The following ZNF804B variants were observed in gnomAD, a reference collection of about 807,000 sequenced individuals.
The protein encoded by ZNF804B is zinc finger protein 804B.
Under a neutral mutation model 101.4 loss-of-function variants are expected in ZNF804B, and 80 were observed. That is an observed-to-expected ratio of 0.79 (90% CI 0.66 to 0.95). The LOEUF is 0.95. Among genes scored for constraint, ZNF804B ranks in the 40% least tolerant of loss-of-function variants. The probability of loss-of-function intolerance (pLI) is 0.00; values close to 1 mark genes in which losing one functional copy is unlikely to be tolerated. For missense variants in ZNF804B, 1,673 were observed against 1,561.9 expected (o/e 1.07, Z -1.20); for synonymous variants, 622 against 558.8 (o/e 1.11, Z -1.59).
intron 2 of ZNF804B, among the ~76,000 whole-genome samples, chr7:89,233,435 A>G (rs1178111414): frequency 6.6e-6 from 1 of 152,156 alleles, no homozygotes; most frequent in African/African-American, 2.4e-5. Flanking sequence ...TCCTCTTTTG[A>G]TAAATATTTT....
At chr7:88,988,726 G>A (rs1001740293) in intron 1 of ZNF804B, among the ~76,000 whole-genome samples, 6 of 152,136 alleles carry the variant, frequency 3.9e-5, no homozygotes, top group Non-Finnish European at 5.9e-5. Context: ...CTGCAGAAGA[G>A]GGGAATGACA....
intron 1 of ZNF804B, among the ~76,000 whole-genome samples, chr7:88,811,365 G>A (rs1048621312): frequency 3.9e-5 from 6 of 152,148 alleles, no homozygotes; most frequent in South Asian, 2.1e-4. Flanking sequence ...CAGATGGTGC[G>A]GAGAGATACG....
rs148917820 is a variant in ZNF804B, at chr7:89,201,056, C to T, written c.109-17099C>T. ...CTGACACTCTTAGGGAAAGCTTCAT[C>T]GTATTTATTTAGATTTTTTAAGATA... On this transcript the variant is annotated intron_variant, in intron 1 of 3. Coordinates refer to ENST00000333190, the MANE Select transcript of ZNF804B (RefSeq NM_181646.5). Among the ~76,000 whole-genome samples, 311 of 151,982 alleles carry T rather than the reference C, an allele frequency of 2.0e-3. 1 individual carries two copies. Among genetic ancestry groups the T allele is most frequent in the African/African-American group, 7.3e-3 (301 of 41,498 alleles).
chr7:88,974,203 C>T lies in ZNF804B; in HGVS notation c.108+214119C>T, dbSNP rs576548373. On this transcript the variant is annotated intron_variant, in intron 1 of 3. Transcript: ENST00000333190. Reference sequence around the variant, plus strand: ...TTTCTTAGTGAAACTCTCTGGGCCTCATGAAAATATGAAAAATAGTAAACA... The same window carrying T: ...TTTCTTAGTGAAACTCTCTGGGCCTTATGAAAATATGAAAAATAGTAAACA... 4.6e-5 allele frequency among the ~76,000 whole-genome samples: 7 copies of T among 151,122 alleles called. No homozygotes were observed. In the South Asian group the frequency reaches 1.5e-3, roughly 31 times the overall value.
intron 1 of ZNF804B, among the ~76,000 whole-genome samples, chr7:89,173,174 G>T (rs1342273355): frequency 6.6e-6 from 1 of 152,080 alleles, no homozygotes; most frequent in Non-Finnish European, 1.5e-5. Context: ...TGAAACATGT[G>T]TCTGGCTCTC....
intron 2 of ZNF804B, among the ~76,000 whole-genome samples, chr7:89,320,968 A>C (rs1790809777): frequency 6.6e-6 from 1 of 152,152 alleles, no homozygotes; most frequent in Non-Finnish European, 1.5e-5. Context: ...AAAACAAGAC[A>C]GAGTAAATAT....
intron 2 of ZNF804B, among the ~76,000 whole-genome samples, chr7:89,288,224 G>GA (rs2115889864): frequency 6.6e-6 from 1 of 151,812 alleles, no homozygotes; most frequent in South Asian, 2.1e-4. Context: ...CGCATAAAGA[G>GA]AAAAAAATGG....
chr7:89,095,052 TG>T (rs1789951231), intron 1 of ZNF804B, among the ~76,000 whole-genome samples: 1 of 152,180 alleles, frequency 6.6e-6, no homozygotes, highest in Non-Finnish European at 1.5e-5. Flanking sequence ...ATGGTTTGAA[TG>T]TTTTTGTTGC....
intron 2 of ZNF804B, among the ~76,000 whole-genome samples, chr7:89,243,757 G>GT (rs550923633): frequency 0.032 from 4,863 of 150,604 alleles, 242 homozygotes; most frequent in African/African-American, 0.11. Flanking sequence ...GTTTTGTTTT[G>GT]TTTTTTTTTA....
In ZNF804B at chr7:88,864,714, C is replaced by T. The variant is rs564813894; in HGVS notation, c.108+104630C>T. 8.5e-5 allele frequency among the ~76,000 whole-genome samples: 13 copies of T among 152,154 alleles called. No homozygotes were observed. In the South Asian group the frequency reaches 2.3e-3, roughly 27 times the overall value. Reference sequence around the variant, plus strand: ...CTCTTGCCTGTACTTCATCTGGGACCGAAAGCAATGGGAAGAACTGGAGAT... The same window carrying T: ...CTCTTGCCTGTACTTCATCTGGGACTGAAAGCAATGGGAAGAACTGGAGAT... On this transcript the variant is annotated intron_variant, in intron 1 of 3. Coordinates refer to ENST00000333190, the MANE Select transcript of ZNF804B (RefSeq NM_181646.5).
At chr7:89,237,412 GATCT>G (rs1789300919) in intron 2 of ZNF804B, among the ~76,000 whole-genome samples, 3 of 152,082 alleles carry the variant, frequency 2.0e-5, no homozygotes, top group African/African-American at 7.2e-5. Context: ...CCTTAGGTGT[GATCT>G]ATCTGAGGCT....
At chr7:89,022,619 AAAG>A (rs1179914762) in intron 1 of ZNF804B, among the ~76,000 whole-genome samples, 2 of 152,336 alleles carry the variant, frequency 1.3e-5, no homozygotes, top group African/African-American at 2.4e-5. Context: ...AACTCCCTAG[AAAG>A]AAGGTTTCTT....
At chr7:88,870,822 A>T (rs1044687875) in intron 1 of ZNF804B, among the ~76,000 whole-genome samples, 3 of 152,136 alleles carry the variant, frequency 2.0e-5, no homozygotes, top group African/African-American at 7.2e-5. Flanking sequence ...TTCTTGAATC[A>T]TTTGCTCTAA....
intron 1 of ZNF804B, among the ~76,000 whole-genome samples, chr7:89,201,967 T>C (rs1468290424): frequency 6.6e-6 from 1 of 152,062 alleles, no homozygotes; most frequent in East Asian, 1.9e-4. Context: ...ATACACACAG[T>C]ACTTTAAATG....
intron 1 of ZNF804B, among the ~76,000 whole-genome samples, chr7:88,896,389 C>T (rs541496543): frequency 6.6e-6 from 1 of 152,088 alleles, no homozygotes; most frequent in Non-Finnish European, 1.5e-5. Context: ...ATGGAAGGCT[C>T]ATTTGCATAG....
chr7:89,143,778 C>T (rs950351751), intron 1 of ZNF804B, among the ~76,000 whole-genome samples: 1 of 151,942 alleles, frequency 6.6e-6, no homozygotes, highest in Non-Finnish European at 1.5e-5. Flanking sequence ...AATGCTATAA[C>T]AAGTAAGTAT....
chr7:89,122,789 G>A (rs1790425371), intron 1 of ZNF804B, among the ~76,000 whole-genome samples: 6 of 152,118 alleles, frequency 3.9e-5, no homozygotes, highest in Admixed American at 3.3e-4. Flanking sequence ...GAAGCAAGCT[G>A]TGTCTTACCT....
At chr7:88,885,123 G>C (rs1379366788) in intron 1 of ZNF804B, among the ~76,000 whole-genome samples, 1 of 151,698 alleles carries the variant, frequency 6.6e-6, no homozygotes, top group East Asian at 1.9e-4. Flanking sequence ...ACCTCATATT[G>C]GATTATTCTT....
At chr7:89,097,308 C>A (rs1372181873) in intron 1 of ZNF804B, among the ~76,000 whole-genome samples, 2 of 152,134 alleles carry the variant, frequency 1.3e-5, no homozygotes, top group East Asian at 3.9e-4. Context: ...AGATCAATTT[C>A]TGCAGTGTGG....
Sources: allele counts gnomAD v4.1 joint callset (sites outside exome capture counted in the v4.1 genomes callset), GRCh38; gene constraint gnomAD v4.1.1; transcripts MANE v1.5; gene names NCBI Gene and HGNC (gene_info 2026-07-23, HGNC 2026-07-21).